The following PLCG2 variants were observed in gnomAD, a reference collection of about 807,000 sequenced individuals.
The protein encoded by PLCG2 is phospholipase C gamma 2, also known as 1-phosphatidylinositol 4,5-bisphosphate phosphodiesterase gamma-2.
In PLCG2, 69 loss-of-function variants were observed where a neutral mutation model predicts 175.6. That is an observed-to-expected ratio of 0.39 (90% CI 0.32 to 0.48). The LOEUF is 0.48. Ranked by LOEUF, PLCG2 falls within the 20% of genes least tolerant of loss-of-function variation. The pLI, the probability that PLCG2 is intolerant of heterozygous loss-of-function variation, is 0.91. For missense variants in PLCG2, 1,798 were observed against 1,650.9 expected, an observed-to-expected ratio of 1.09 and a Z score of -1.54; for synonymous variants, 827 against 624.0, an observed-to-expected ratio of 1.33 and a Z score of -4.85.
At chr16:81,941,349 A>G (rs748921224) in intron 30 of PLCG2, among the ~76,000 whole-genome samples, 2 of 152,150 alleles carry the variant, frequency 1.3e-5, no homozygotes, top group African/African-American at 4.8e-5. Context: ...GACTCAGAAG[A>G]AAGTGCAGGT....
In PLCG2 at chr16:81,785,963, C is replaced by G; in HGVS notation, c.-27C>G. Reference sequence around the variant, plus strand: ...TTCAGCTTCCTGATTTCTCCCGATTCCTTCCTTCTCCCTGGAGCGGCCGAC... The same window carrying G: ...TTCAGCTTCCTGATTTCTCCCGATTGCTTCCTTCTCCCTGGAGCGGCCGAC... On this transcript the variant is annotated 5_prime_UTR_variant, in exon 2 of 33. Transcript: ENST00000564138. 6.3e-7 allele frequency: 1 copy of G among 1,599,822 alleles called. No individual in the cohort carries two copies. The highest frequency in any genetic ancestry group is 8.5e-7 in the Non-Finnish European group (1 of 1,170,180).
intron 2 of PLCG2, among the ~76,000 whole-genome samples, chr16:81,808,232 C>G (rs998224686): frequency 1.3e-5 from 2 of 152,202 alleles, no homozygotes; most frequent in Non-Finnish European, 2.9e-5. Flanking sequence ...TGAGGCACCA[C>G]CAGCCTGTTT....
chr16:81,762,489 A>T (rs549657900), intron 2 of PLCG2, among the ~76,000 whole-genome samples: 22 of 152,022 alleles, frequency 1.4e-4, no homozygotes, highest in African/African-American at 5.3e-4. Context: ...GAATCGCTTG[A>T]TCCTGGTAGG....
intron 8 of PLCG2, among the ~76,000 whole-genome samples, chr16:81,882,053 G>C (rs1456952509): frequency 6.6e-6 from 1 of 152,126 alleles, no homozygotes; most frequent in Admixed American, 6.5e-5. Context: ...CAGACTCCTG[G>C]ACCCTGAGTG....
At chr16:81,949,515 C>G (rs151180912) in intron 31 of PLCG2, among the ~76,000 whole-genome samples, 1 of 152,074 alleles carries the variant, frequency 6.6e-6, no homozygotes, top group African/African-American at 2.4e-5. Context: ...GTGTCCAGCC[C>G]CCGACATGTC....
At chr16:81,779,178 C>G (rs1268716940), upstream of PLCG2, 1 of 152,152 alleles carries the variant, frequency 6.6e-6, no homozygotes, top group Non-Finnish European at 1.5e-5. Context: ...TCGGGGTGCG[C>G]TCCGAGAGGC....
In PLCG2 at chr16:81,877,733, G is replaced by A. The variant is rs149543842; in HGVS notation, c.649-3177G>A. ...TGGTGTGCAGACACCATCACTCCTC[G>A]GCATGTAGGCGTCATCGCTTCTTGG... On this transcript the variant is annotated intron_variant, in intron 7 of 32. Coordinates refer to ENST00000564138, the MANE Select transcript of PLCG2 (RefSeq NM_002661.5). 9.2e-5 allele frequency among the ~76,000 whole-genome samples: 14 copies of A among 152,180 alleles called. No homozygotes were observed. The East Asian group carries it at 2.1e-3, about 23-fold the overall frequency.
intron 9 of PLCG2, among the ~76,000 whole-genome samples, chr16:81,886,115 T>C (rs768925774): frequency 4.7e-4 from 71 of 152,368 alleles, no homozygotes; most frequent in Non-Finnish European, 7.9e-4. Context: ...GGTTAAATTC[T>C]TGGGGACAAG....
At chr16:81,937,299 T>G (rs999333150) in intron 27 of PLCG2, 2 of 152,488 alleles carry the variant, frequency 1.3e-5, no homozygotes, top group African/African-American at 2.4e-5. Flanking sequence ...CATTAGAGCT[T>G]CTTCTTGTAA....
chr16:81,777,019 A>T (rs115590446), upstream of PLCG2, among the ~76,000 whole-genome samples: 2,131 of 151,980 alleles, frequency 0.014, 50 homozygotes, highest in African/African-American at 0.046. Flanking sequence ...TGAATTAAAA[A>T]CATGAAAGAA....
At chr16:81,901,767 G>C (rs1402532325) in intron 14 of PLCG2, among the ~76,000 whole-genome samples, 1 of 152,130 alleles carries the variant, frequency 6.6e-6, no homozygotes, top group Non-Finnish European at 1.5e-5. Context: ...TCATCACTTT[G>C]GAATTATGGA....
chr16:81,944,865 C>T (rs4508413), intron 30 of PLCG2, among the ~76,000 whole-genome samples: 1 of 151,848 alleles, frequency 6.6e-6, no homozygotes, highest in Non-Finnish European at 1.5e-5. Context: ...ATATCAAGGG[C>T]CAACTGTAGA....
intron 19 of PLCG2, among the ~76,000 whole-genome samples, chr16:81,913,699 A>T (rs1292518204): frequency 6.6e-6 from 1 of 152,192 alleles, no homozygotes; most frequent in Admixed American, 6.5e-5. Flanking sequence ...GTGTTTCCAC[A>T]TGGGCGCGGT....
At chr16:81,803,642 TCC>T (rs539367678) in intron 2 of PLCG2, among the ~76,000 whole-genome samples, 16 of 25,368 alleles carry the variant, frequency 6.3e-4, no homozygotes, top group Non-Finnish European at 1.4e-3. Flanking sequence ...CTTCCCTCCC[TCC>T]CTCCCTCCCT....
intron 9 of PLCG2, among the ~76,000 whole-genome samples, chr16:81,885,922 C>T (rs1207558679): frequency 6.6e-6 from 1 of 152,120 alleles, no homozygotes; most frequent in Admixed American, 6.6e-5. Flanking sequence ...ATTTGCCCAA[C>T]CTGAGACTAA....
chr16:81,929,137 C>T (rs1567537297), intron 24 of PLCG2, among the ~76,000 whole-genome samples: 4 of 152,218 alleles, frequency 2.6e-5, no homozygotes, highest in Admixed American at 6.5e-5. Context: ...GATGTGAAGG[C>T]GTGGCCCCAA....
chr16:81,805,301 C>T (rs977828087), intron 2 of PLCG2, among the ~76,000 whole-genome samples: 20 of 152,134 alleles, frequency 1.3e-4, no homozygotes, highest in African/African-American at 4.8e-4. Flanking sequence ...AGATCGAGAC[C>T]ATCCTGACTA....
Position 81,782,573 on chromosome 16 carries a change from C to T in PLCG2, c.-48+3149C>T, listed in dbSNP as rs139165099. ...ATGGTGGACTCCAGGGATCTTTTGG[C>T]CGTGAAGATCTGTTTCCAATTGCAT... On this transcript the variant is annotated intron_variant, in intron 1 of 32. Coordinates refer to ENST00000564138, the MANE Select transcript of PLCG2 (RefSeq NM_002661.5). Among the ~76,000 whole-genome samples the T allele has an allele frequency of 8.4e-3, 1,281 of 152,246 alleles. 22 individuals carry two copies. The highest frequency in any genetic ancestry group is 0.03 in the African/African-American group (1,231 of 41,534).
intron 15 of PLCG2, chr16:81,906,253 C>T (rs574068771): frequency 1.3e-5 from 2 of 152,252 alleles, no homozygotes; most frequent in South Asian, 4.1e-4. Flanking sequence ...TTTAGGTTGT[C>T]CTGACTCCTT....
Sources: allele counts gnomAD v4.1 joint callset (sites outside exome capture counted in the v4.1 genomes callset), GRCh38; gene constraint gnomAD v4.1.1; transcripts MANE v1.5; gene names NCBI Gene and HGNC (gene_info 2026-07-23, HGNC 2026-07-21).